SLFN5: variants seen among roughly 807,000 people sequenced by gnomAD.
SLFN5 encodes the protein schlafen family member 5.
Under a neutral mutation model 48.5 loss-of-function variants are expected in SLFN5, and 34 were observed. That is an observed-to-expected ratio of 0.70 (90% CI 0.53 to 0.93). The LOEUF (loss-of-function observed/expected upper bound fraction) is 0.93. Among genes scored for constraint, SLFN5 ranks in the 40% least tolerant of loss-of-function variants. The pLI is 0.00. For missense variants in SLFN5, 1,006 were observed against 1,071.3 expected, an observed-to-expected ratio of 0.94 and a Z score of 0.85; for synonymous variants, 387 against 396.2, an observed-to-expected ratio of 0.98 and a Z score of 0.28.
intron 1 of SLFN5, among the ~76,000 whole-genome samples, chr17:35,246,249 A>G (rs1393091933): frequency 1.3e-5 from 2 of 152,076 alleles, no homozygotes; most frequent in Admixed American, 6.5e-5. Context: ...TCAGTTATGT[A>G]ATTTGCAAAT....
At chr17:35,258,148 A>G (rs1904396674) in intron 1 of SLFN5, among the ~76,000 whole-genome samples, 1 of 152,216 alleles carries the variant, frequency 6.6e-6, no homozygotes. Flanking sequence ...TACAAGCTTA[A>G]TTCATGTATA....
chr17:35,266,141 G>GGTGTGTGTGTGT lies in SLFN5; in HGVS notation c.*253_*254insGTGTGTGTGTGT, dbSNP rs770741775. 5 of 354,028 alleles carry GGTGTGTGTGTGT rather than the reference G, an allele frequency of 1.4e-5. No individual in the cohort carries two copies. The highest frequency in any genetic ancestry group is 5.2e-5 in the Admixed American group (1 of 19,242). The allele number at this position is 354,028 out of a possible 1,614,324, so 21.9% of individuals were successfully genotyped here. A position where few individuals can be genotyped will look rare whatever the true frequency, so the allele number is the denominator to read the frequency against. On this transcript the variant is annotated 3_prime_UTR_variant, in exon 5 of 5. Coordinates refer to ENST00000299977, the MANE Select transcript of SLFN5 (RefSeq NM_144975.4). ...TAATTAGAGGACCGTGAGACTCAGAGATGTGTGTGTGTGTGTGTGTGTGTG... is the reference window on the plus strand; with the variant it reads ...TAATTAGAGGACCGTGAGACTCAGAGGTGTGTGTGTGTATGTGTGTGTGTGTGTGTGTGTGTG...
Position 35,265,281 on chromosome 17 carries a change from A to T in SLFN5, c.2069A>T (p.His690Leu). The T allele has an allele frequency of 6.2e-7, 1 of 1,613,200 alleles. No homozygotes were observed. Among genetic ancestry groups the T allele is most frequent in the Non-Finnish European group, 8.5e-7 (1 of 1,179,884 alleles). The change falls in exon 5 of 5, where the codon CAC (histidine) becomes CTC (leucine). Residue 690 changes from histidine (H) to leucine (L), a missense_variant. His to Leu is a moderately conservative substitution (Grantham distance 99, BLOSUM62 -3). Transcript: ENST00000299977. ...TTTCTGGACTACTTTCAGACCTATC[A>T]CTTGAGTTGCAGTGGCCTCCCCCCT... is the stretch of plus-strand genomic sequence containing the variant. ...WIFLDYFQTY[H>L]LSCSGLPPPS...
rs114439106 is a variant in SLFN5 at position 35,259,519 on chromosome 17, G to A, written c.829G>A (p.Val277Ile). ...FCTQRPEIKY[V>I]LNFLEVHDKG... is the part of the protein sequence containing the mutation. ...CACACAGAGGCCTGAGATAAAATAT[G>A]TCCTTAACTTCCTTGAAGTGCATGA... The change falls in exon 2 of 5, where the codon GTC becomes ATC. Residue 277 changes from valine to isoleucine, a missense_variant. Physicochemically the swap from Val to Ile is conservative, Grantham distance 29. Transcript: ENST00000299977. 1.5e-3 allele frequency: 2,343 copies of A among 1,614,168 alleles called. 24 individuals are homozygous for A. The African/African-American group carries it at 0.027, about 18-fold the overall frequency.
chr17:35,245,966 A>G (rs1018875947), intron 1 of SLFN5, among the ~76,000 whole-genome samples: 1 of 152,214 alleles, frequency 6.6e-6, no homozygotes, highest in African/African-American at 2.4e-5. Flanking sequence ...TACAAGGAGT[A>G]TATGACGATG....
rs551259745 is a variant in SLFN5 at position 35,266,334 on chromosome 17, C to G, written c.*446C>G. The stretch of plus-strand genomic sequence containing the variant: ...TATAAATTTTTAACATGGCCACTTG[C>G]AGAAGAGCTTGAATGGGACGTGCAG... On this transcript the variant is annotated 3_prime_UTR_variant, in exon 5 of 5. Transcript: ENST00000299977. 1.9e-5 allele frequency: 3 copies of G among 154,978 alleles called. No homozygotes were observed. The highest frequency in any genetic ancestry group is 2.0e-4 in the South Asian group (1 of 4,942). The allele number at this position is 154,978 out of a possible 1,614,324, so 9.6% of individuals were successfully genotyped here. A position where few individuals can be genotyped will look rare whatever the true frequency, so the allele number is the denominator to read the frequency against.
Position 35,265,359 on chromosome 17 carries a change from G to A in SLFN5, c.2147G>A (p.Gly716Asp), listed in dbSNP as rs556144025. 57 of 1,614,130 alleles carry A rather than the reference G, an allele frequency of 3.5e-5. 1 individual carries two copies. The South Asian group carries it at 6.1e-4, about 17-fold the overall frequency. The change falls in exon 5 of 5, where the codon GGT becomes GAT. Residue 716 changes from glycine (G) to aspartate (D), a missense_variant. Coordinates refer to ENST00000299977, the MANE Select transcript of SLFN5 (RefSeq NM_144975.4). ...ATCAACAGAGTGGTCCGCAATGCAG[G>A]TCCAATAGCTAATTACCTACAACAA... Reference protein sequence around the residue: ...EEINRVVRNAGPIANYLQQVM... With the variant: ...EEINRVVRNADPIANYLQQVM...
chr17:35,263,838 A>G (rs540578260), intron 3 of SLFN5, among the ~76,000 whole-genome samples: 3 of 150,746 alleles, frequency 2.0e-5, no homozygotes, highest in South Asian at 4.3e-4. Context: ...AAGAAGAAAG[A>G]AAAAGAAAAA....
rs1289344259 is a variant in SLFN5, at chr17:35,259,022, C to T, written c.332C>T (p.Ala111Val). 11 of 1,613,996 alleles carry T rather than the reference C, an allele frequency of 6.8e-6. No individual in the cohort carries two copies. In the East Asian group the frequency reaches 2.5e-4, roughly 36 times the overall value. The change falls in exon 2 of 5, where the codon GCT (alanine) becomes GTT (valine). Residue 111 changes from alanine (A) to valine (V), a missense_variant. Transcript: ENST00000299977. ...AACACAGAGGCTGGTGTGCCACTTG[C>T]TACCTTATGCTCCAATTTGTACCAC... ...SWNTEAGVPLATLCSNLYHRE... is the reference protein window; with the variant it reads ...SWNTEAGVPLVTLCSNLYHRE...
In SLFN5 at chr17:35,265,626, A is replaced by T. The variant is rs771943170; in HGVS notation, c.2414A>T (p.Asp805Val). ...TKASEVEKYK[D>V]RLLTAMRKRK... ...GCAAGTGAAGTGGAAAAATATAAAG[A>T]CAGGCTTCTAACAGCAATGAGGAAG... The change falls in exon 5 of 5, where the codon GAC becomes GTC. Residue 805 changes from aspartate to valine, a missense_variant. By Grantham distance (152) the Asp-to-Val change is radical. Coordinates refer to ENST00000299977, the MANE Select transcript of SLFN5 (RefSeq NM_144975.4). 1 of 1,614,190 alleles carries T rather than the reference A, an allele frequency of 6.2e-7. No homozygotes were observed. The highest frequency in any genetic ancestry group is 8.5e-7 in the Non-Finnish European group (1 of 1,180,026).
chr17:35,254,228 A>G lies in SLFN5; in HGVS notation c.-40-4423A>G, dbSNP rs1402156604. 3.9e-5 allele frequency among the ~76,000 whole-genome samples: 6 copies of G among 152,130 alleles called. No individual in the cohort carries two copies. The South Asian group carries it at 8.3e-4, about 21-fold the overall frequency. ...TATTTGTCTGTCTTCCTAAGTGCCT[A>G]TGACCAATTCATCCCCTACTCTCCA... On this transcript the variant is annotated intron_variant, in intron 1 of 4. Coordinates refer to ENST00000299977, the MANE Select transcript of SLFN5 (RefSeq NM_144975.4).
At chr17:35,259,891 A>G (rs567185277) in intron 2 of SLFN5, 189 bp downstream of exon 2, 11 of 691,094 alleles carry the variant, frequency 1.6e-5, no homozygotes, top group Non-Finnish European at 2.1e-5. Flanking sequence ...TTCTTCTGCC[A>G]TCTTAAATAG....
rs1030086171 is a variant in SLFN5, at chr17:35,249,668, C to A, written c.-41+6525C>A. Among the ~76,000 whole-genome samples the A allele has an allele frequency of 3.3e-5, 5 of 152,214 alleles. No homozygotes were observed. The East Asian group carries it at 7.7e-4, about 23-fold the overall frequency. Reference sequence around the variant, plus strand: ...CTTGGTCCCTGACTGAAAAACATTCCTTCCTCCTCTTTGATATCATGCCTA... The same window carrying A: ...CTTGGTCCCTGACTGAAAAACATTCATTCCTCCTCTTTGATATCATGCCTA... On this transcript the variant is annotated intron_variant, in intron 1 of 4. Transcript: ENST00000299977.
At chr17:35,251,369 T>C (rs1448014446) in intron 1 of SLFN5, among the ~76,000 whole-genome samples, 1 of 152,222 alleles carries the variant, frequency 6.6e-6, no homozygotes, top group East Asian at 1.9e-4. Flanking sequence ...TGGTTTCTCA[T>C]GCAACACAAA....
chr17:35,259,355 C>T lies in SLFN5; in HGVS notation c.665C>T (p.Thr222Ile). 6.2e-7 allele frequency: 1 copy of T among 1,614,126 alleles called. No individual in the cohort carries two copies. The highest frequency in any genetic ancestry group is 8.5e-7 in the Non-Finnish European group (1 of 1,180,042). Residue 222 changes from threonine (T) to isoleucine (I), a missense_variant, in exon 2 of 5, where the codon ACT becomes ATT. Thr to Ile is a moderately conservative substitution (Grantham distance 89). Coordinates refer to ENST00000299977, the MANE Select transcript of SLFN5 (RefSeq NM_144975.4). ...AAGTGTGTTTCTGCATTTGCAAATA[C>T]TGAAGGAGGATATGTATTTTTTGGT... ...LPKCVSAFAN[T>I]EGGYVFFGVH... is the part of the protein sequence containing the mutation.
At chr17:35,258,095 G>T (rs1419231097) in intron 1 of SLFN5, among the ~76,000 whole-genome samples, 1 of 152,174 alleles carries the variant, frequency 6.6e-6, no homozygotes, top group Non-Finnish European at 1.5e-5. Flanking sequence ...TCATTTCTGT[G>T]GTGGTGGTGT....
At chr17:35,257,733 A>G (rs930491746) in intron 1 of SLFN5, among the ~76,000 whole-genome samples, 1 of 152,018 alleles carries the variant, frequency 6.6e-6, no homozygotes, top group African/African-American at 2.4e-5. Flanking sequence ...ACAAGATGGA[A>G]ACCGTTTGGA....
At position 35,258,652 on chromosome 17, in the gene SLFN5, A is replaced by G. The variant is rs773657518; in HGVS notation, c.-39A>G. On this transcript the variant is annotated splice_region_variant and 5_prime_UTR_variant, in exon 2 of 5. Transcript: ENST00000299977. The stretch of plus-strand genomic sequence containing the variant: ...TGGTTCTATCTTTCTGTTTTTCAGG[A>G]GAACATTTCAGGATAGGAATAGGCC... 2 of 1,575,454 alleles carry G rather than the reference A, an allele frequency of 1.3e-6. No individual in the cohort carries two copies. The highest frequency in any genetic ancestry group is 1.7e-6 in the Non-Finnish European group (2 of 1,160,418).
chr17:35,247,286 C>G (rs2092433029), intron 1 of SLFN5, among the ~76,000 whole-genome samples: 1 of 152,222 alleles, frequency 6.6e-6, no homozygotes, highest in Admixed American at 6.5e-5. Context: ...TTGTCACTAT[C>G]AATCTTTCCC....
Sources: allele counts gnomAD v4.1 joint callset (sites outside exome capture counted in the v4.1 genomes callset), GRCh38; gene constraint gnomAD v4.1.1; transcripts MANE v1.5; gene names NCBI Gene and HGNC (gene_info 2026-07-23, HGNC 2026-07-21).